DSCAM: variants seen among roughly 807,000 people sequenced by gnomAD.
DSCAM encodes cell adhesion molecule DSCAM.
A neutral mutation model predicts 217.7 loss-of-function variants in DSCAM; 47 were observed. That is an observed-to-expected ratio of 0.22 (90% CI 0.17 to 0.28). The LOEUF (loss-of-function observed/expected upper bound fraction) is 0.28. Ranked by LOEUF, DSCAM falls within the 10% of genes least tolerant of loss-of-function variation. DSCAM has a pLI of 1.00. For synonymous variants in DSCAM, 1,056 were observed against 1,015.3 expected, an observed-to-expected ratio of 1.04 and a Z score of -0.76; for missense variants, 2,080 against 2,618.3, an observed-to-expected ratio of 0.79 and a Z score of 4.49.
intron 20 of DSCAM, among the ~76,000 whole-genome samples, chr21:40,095,512 T>C (rs2089664851): frequency 6.6e-6 from 1 of 152,132 alleles, no homozygotes; most frequent in African/African-American, 2.4e-5. Context: ...GATGGCAACA[T>C]AGATTAGTGG....
At chr21:40,659,004 A>G (rs970557732) in intron 3 of DSCAM, among the ~76,000 whole-genome samples, 2 of 152,136 alleles carry the variant, frequency 1.3e-5, no homozygotes, top group African/African-American at 4.8e-5. Flanking sequence ...TGCGGTAATC[A>G]ACTTGAGCTC....
intron 20 of DSCAM, among the ~76,000 whole-genome samples, chr21:40,120,571 C>G (rs1458973833): frequency 6.6e-6 from 1 of 152,096 alleles, no homozygotes; most frequent in Non-Finnish European, 1.5e-5. Flanking sequence ...TCATTCAAAC[C>G]ACTATATATT....
rs978056537 is a variant in DSCAM, at chr21:40,517,575, T to C, written c.509-148330A>G. Among the ~76,000 whole-genome samples the C allele has an allele frequency of 5.3e-5, 8 of 152,218 alleles. No homozygotes were observed. The East Asian group carries it at 1.5e-3, about 29-fold the overall frequency. ...AAGCCCTCCTTTTCTAATATGTCTA[T>C]GATGCCATTTAACATTCTGTTTTCA... On this transcript the variant is annotated intron_variant, in intron 3 of 32. Transcript: ENST00000400454.
chr21:40,741,362 A>T (rs1205466471), intron 1 of DSCAM, among the ~76,000 whole-genome samples: 2 of 152,204 alleles, frequency 1.3e-5, no homozygotes, highest in Non-Finnish European at 2.9e-5. Context: ...TTAATAAAAC[A>T]TGTGAATGCA....
chr21:40,612,760 T>C (rs181327283), intron 3 of DSCAM, among the ~76,000 whole-genome samples: 1 of 152,166 alleles, frequency 6.6e-6, no homozygotes, highest in African/African-American at 2.4e-5. Context: ...AAGAAGGACA[T>C]GTGTGGACAA....
intron 4 of DSCAM, among the ~76,000 whole-genome samples, chr21:40,367,817 A>C (rs1321275585): frequency 6.6e-6 from 1 of 152,128 alleles, no homozygotes; most frequent in East Asian, 1.9e-4. Flanking sequence ...CCCTGGCTGG[A>C]TTATACATTG....
intron 3 of DSCAM, among the ~76,000 whole-genome samples, chr21:40,586,586 G>T (rs898956365): frequency 2.6e-5 from 4 of 152,192 alleles, no homozygotes; most frequent in African/African-American, 9.7e-5. Flanking sequence ...GGAGATCTGG[G>T]TAGAGCCTGA....
chr21:40,490,088 G>C (rs1016124720), intron 3 of DSCAM, among the ~76,000 whole-genome samples: 1 of 152,132 alleles, frequency 6.6e-6, no homozygotes, highest in Non-Finnish European at 1.5e-5. Context: ...ATGGCAGCAG[G>C]CAAGAGAGTG....
In DSCAM at chr21:40,013,169, C is replaced by T. The variant is rs2088091373; in HGVS notation, c.5904G>A (p.Val1968=). ...CTCCCTCCCGCTGAGGTAATGTGGC[C>T]ACGGCCCCCGGCTGCCACGACTGTC... ...REGQSWQPGA[V]ATLPQREGAE... The change falls in exon 33 of 33, where the codon GTG becomes GTA. Residue 1968 remains valine (V), a synonymous_variant. Transcript: ENST00000400454. 6.2e-7 allele frequency: 1 copy of T among 1,613,624 alleles called. No homozygotes were observed. Among genetic ancestry groups the T allele is most frequent in the Non-Finnish European group, 8.5e-7 (1 of 1,179,796 alleles).
At chr21:40,245,970 C>T (rs1002572773) in intron 11 of DSCAM, among the ~76,000 whole-genome samples, 17 of 152,110 alleles carry the variant, frequency 1.1e-4, no homozygotes, top group African/African-American at 4.1e-4. Context: ...AGGACAGTCA[C>T]TTTTAAACTA....
At chr21:40,683,522 C>G (rs146114503) in intron 3 of DSCAM, among the ~76,000 whole-genome samples, 1 of 151,984 alleles carries the variant, frequency 6.6e-6, no homozygotes, top group Non-Finnish European at 1.5e-5. Context: ...TTCTTTAAAA[C>G]TGGGGGACCT....
intron 3 of DSCAM, among the ~76,000 whole-genome samples, chr21:40,663,440 C>T (rs2090164846): frequency 6.6e-6 from 1 of 152,004 alleles, no homozygotes; most frequent in African/African-American, 2.4e-5. Flanking sequence ...ACTCTCCTCC[C>T]ACCGCTTCAA....
At chr21:40,819,352 T>C (rs1274413009) in intron 1 of DSCAM, among the ~76,000 whole-genome samples, 1 of 152,226 alleles carries the variant, frequency 6.6e-6, no homozygotes, top group East Asian at 1.9e-4. Flanking sequence ...TTCAGCCCCA[T>C]GTGAACCTTC....
chr21:40,292,060 ATT>A (rs11334007), intron 10 of DSCAM, among the ~76,000 whole-genome samples: 8 of 149,626 alleles, frequency 5.3e-5, no homozygotes, highest in African/African-American at 7.3e-5. Context: ...TGAAGCCCTG[ATT>A]TTTTTTTTTT....
At chr21:40,500,001 G>A (rs141984857) in intron 3 of DSCAM, among the ~76,000 whole-genome samples, 2 of 152,134 alleles carry the variant, frequency 1.3e-5, no homozygotes, top group Admixed American at 6.5e-5. Flanking sequence ...GGATGGTCTC[G>A]ATCTCCTGAC....
intron 14 of DSCAM, among the ~76,000 whole-genome samples, chr21:40,184,166 T>C (rs1348332467): frequency 2.0e-5 from 3 of 152,232 alleles, no homozygotes; most frequent in Non-Finnish European, 4.4e-5. Flanking sequence ...AGGCTGTTAT[T>C]AATACTTGAA....
In DSCAM at chr21:40,607,583, C is replaced by T. The variant is rs143760267; in HGVS notation, c.508+85227G>A. On this transcript the variant is annotated intron_variant, in intron 3 of 32. Transcript: ENST00000400454. Reference sequence around the variant, plus strand: ...ATTCCCACGTGTCATGGGAGGGGCCCGGTGGGAGGTAATGGAAACATGGGC... The same window carrying T: ...ATTCCCACGTGTCATGGGAGGGGCCTGGTGGGAGGTAATGGAAACATGGGC... Among the ~76,000 whole-genome samples the T allele has an allele frequency of 3.3e-3, 499 of 152,068 alleles. 2 individuals are homozygous for T. The highest frequency in any genetic ancestry group is 4.6e-3 in the Non-Finnish European group (316 of 67,980).
In DSCAM at chr21:40,243,907, C is replaced by T. The variant is rs77010028; in HGVS notation, c.2356+32190G>A. ...AGGCATCAGAGGGAGGGACCTCTGA[C>T]GGTGACGGGGTCATTTCCCATCTGT... On this transcript the variant is annotated intron_variant, in intron 11 of 32. Transcript: ENST00000400454. Among the ~76,000 whole-genome samples, 569 of 152,206 alleles carry T rather than the reference C, an allele frequency of 3.7e-3. 1 individual carries two copies. The highest frequency in any genetic ancestry group is 9.5e-3 in the East Asian group (49 of 5,164).
At chr21:40,039,309 CAAAA>C in intron 32 of DSCAM, among the ~76,000 whole-genome samples, 1 of 133,586 alleles carries the variant, frequency 7.5e-6, no homozygotes, top group East Asian at 2.1e-4. Context: ...AAATAAAAAT[CAAAA>C]AAAAAAAGAA....
Sources: allele counts gnomAD v4.1 joint callset (sites outside exome capture counted in the v4.1 genomes callset), GRCh38; gene constraint gnomAD v4.1.1; transcripts MANE v1.5; gene names NCBI Gene and HGNC (gene_info 2026-07-23, HGNC 2026-07-21).